MAMDC2: variants seen among roughly 807,000 people sequenced by gnomAD.
The protein encoded by MAMDC2 is MAM domain-containing protein 2.
MAMDC2 carries 57 observed loss-of-function variants against 89.8 expected under a neutral mutation model. That is an observed-to-expected ratio of 0.63 (90% CI 0.51 to 0.79). The LOEUF is 0.79. Among genes scored for constraint, MAMDC2 ranks in the 30% least tolerant of loss-of-function variants. MAMDC2 has a pLI of 0.00. For missense variants in MAMDC2, 800 were observed against 820.6 expected (o/e 0.97, Z 0.31); for synonymous variants, 313 against 293.4 (o/e 1.07, Z -0.68).
intron 2 of MAMDC2, chr9:70,082,615 C>A (rs1284207914): frequency 6.6e-6 from 1 of 152,062 alleles, no homozygotes; most frequent in Non-Finnish European, 1.5e-5. Context: ...ATATATATAT[C>A]CTCTACCTTA....
At chr9:70,097,251 G>T (rs567454756) in intron 2 of MAMDC2, among the ~76,000 whole-genome samples, 70 of 152,284 alleles carry the variant, frequency 4.6e-4, no homozygotes, top group African/African-American at 1.7e-3. Context: ...TTCTGTAGTT[G>T]TCGGCCAAGC....
chr9:70,128,437 T>C (rs1306580434), intron 6 of MAMDC2, among the ~76,000 whole-genome samples: 1 of 152,226 alleles, frequency 6.6e-6, no homozygotes, highest in African/African-American at 2.4e-5. Flanking sequence ...GACAAACTTC[T>C]AGGCTTCCCC....
chr9:70,198,177 TATATAC>T (rs1321423027), intron 11 of MAMDC2, among the ~76,000 whole-genome samples: 383 of 27,352 alleles, frequency 0.014, 2 homozygotes, highest in African/African-American at 0.03. Flanking sequence ...TATATATATA[TATATAC>T]ACACACACAC....
intron 9 of MAMDC2, among the ~76,000 whole-genome samples, chr9:70,149,740 T>C (rs996856824): frequency 2.0e-5 from 3 of 152,170 alleles, no homozygotes; most frequent in African/African-American, 7.2e-5. Flanking sequence ...TTTTATAAAG[T>C]GCACCAGGGT....
At chr9:70,112,333 TTC>T (rs1185588856) in intron 4 of MAMDC2, among the ~76,000 whole-genome samples, 2 of 152,180 alleles carry the variant, frequency 1.3e-5, no homozygotes, top group Non-Finnish European at 2.9e-5. Flanking sequence ...TCTGATTATC[TTC>T]TCTCTCTTCT....
chr9:70,130,910 G>A (rs1587499114), intron 6 of MAMDC2, among the ~76,000 whole-genome samples: 1 of 152,198 alleles, frequency 6.6e-6, no homozygotes, highest in Admixed American at 6.5e-5. Context: ...AGGCACTTCA[G>A]CTGACATTCA....
intron 5 of MAMDC2, among the ~76,000 whole-genome samples, chr9:70,113,417 A>G (rs1399456827): frequency 2.0e-5 from 3 of 152,116 alleles, no homozygotes; most frequent in African/African-American, 7.2e-5. Flanking sequence ...ATATTTCCAT[A>G]TTATGCTTTA....
intron 2 of MAMDC2, 22 bp from the exon 3 acceptor site, chr9:70,108,189 C>T (rs1828391766): frequency 6.5e-7 from 1 of 1,528,124 alleles, no homozygotes; most frequent in Non-Finnish European, 8.8e-7. Context: ...GATCCTTTTC[C>T]TATGTTCCTT....
intron 9 of MAMDC2, among the ~76,000 whole-genome samples, chr9:70,144,257 A>C (rs2031322752): frequency 6.6e-6 from 1 of 152,210 alleles, no homozygotes; most frequent in South Asian, 2.1e-4. Context: ...TGAGGCTTTA[A>C]GGTTAACAAC....
intron 2 of MAMDC2, among the ~76,000 whole-genome samples, chr9:70,106,544 C>A (rs531430416): frequency 1.3e-5 from 2 of 152,244 alleles, no homozygotes; most frequent in South Asian, 4.1e-4. Flanking sequence ...CTCAAGAGCC[C>A]CAGCTTAGAA....
chr9:70,222,018 G>C (rs1182451365), intron 12 of MAMDC2, among the ~76,000 whole-genome samples: 2 of 152,128 alleles, frequency 1.3e-5, no homozygotes, highest in East Asian at 3.9e-4. Flanking sequence ...AATGGGACAA[G>C]GAGACTTTGG....
At chr9:70,146,809 C>T (rs2031418757) in intron 9 of MAMDC2, among the ~76,000 whole-genome samples, 1 of 151,700 alleles carries the variant, frequency 6.6e-6, no homozygotes, top group South Asian at 2.1e-4. Flanking sequence ...GTGGCACGTG[C>T]CTGTAATCCC....
rs967597463 is a variant in MAMDC2 at position 70,170,554 on chromosome 9, G to A, written c.1574G>A (p.Arg525Gln). 20 of 1,612,946 alleles carry A rather than the reference G, an allele frequency of 1.2e-5. No individual in the cohort carries two copies. Among genetic ancestry groups the A allele is most frequent in the African/African-American group, 9.3e-5 (7 of 74,874 alleles). ...ECTFTQEKRN[R>Q]SSWHRRRGET... ...ACATTTACTCAGGAGAAAAGAAACC[G>A]GAGCAGCTGGCACAGGAGGAGGGGA... The change falls in exon 11 of 14, where the codon CGG becomes CAG. Residue 525 changes from arginine (R) to glutamine (Q), a missense_variant. Transcript: ENST00000377182.
chr9:70,103,747 C>T (rs1464053025), intron 2 of MAMDC2, among the ~76,000 whole-genome samples: 1 of 151,784 alleles, frequency 6.6e-6, no homozygotes, highest in East Asian at 1.9e-4. Flanking sequence ...TTTGGGAGGC[C>T]GAGGCGGGCA....
chr9:70,126,172 C>T lies in MAMDC2; in HGVS notation c.657C>T (p.Tyr219=), dbSNP rs369995752. ...TGTGATTTTCAGGCCACTACATGTA[C>T]GTGGACTCAGTTTATGTGAAGCACT... ...TFKSELGHYM[Y]VDSVYVKHFQ... The change falls in exon 6 of 14, where the codon TAC becomes TAT. Residue 219 remains tyrosine, a synonymous_variant. Coordinates refer to ENST00000377182, the MANE Select transcript of MAMDC2 (RefSeq NM_153267.5). The T allele has an allele frequency of 2.2e-5, 35 of 1,603,636 alleles. No individual in the cohort carries two copies. The highest frequency in any genetic ancestry group is 2.6e-5 in the Non-Finnish European group (31 of 1,173,812).
intron 9 of MAMDC2, among the ~76,000 whole-genome samples, chr9:70,155,374 A>T (rs901531802): frequency 6.6e-6 from 1 of 152,138 alleles, no homozygotes; most frequent in Non-Finnish European, 1.5e-5. Flanking sequence ...TTCCTCTCTG[A>T]ATCTTCACCT....
intron 8 of MAMDC2, 36 bp downstream of exon 8, chr9:70,140,324 G>A: frequency 3.9e-6 from 6 of 1,543,940 alleles, no homozygotes; most frequent in Non-Finnish European, 5.2e-6. Context: ...GGACATCTTG[G>A]GTAGTCGTGA....
intron 11 of MAMDC2, among the ~76,000 whole-genome samples, chr9:70,212,953 T>TA (rs1587577148): frequency 6.6e-6 from 1 of 152,144 alleles, no homozygotes. Context: ...CTGATTTAGT[T>TA]AGAGTCCAAA....
intron 7 of MAMDC2, 53 bp downstream of exon 7, chr9:70,131,665 T>G: frequency 7.6e-7 from 1 of 1,318,164 alleles, no homozygotes; most frequent in Non-Finnish European, 1.1e-6. Context: ...TTTCAATAGA[T>G]GTTTGTGGTC....
Sources: gnomAD v4.1 joint callset for allele counts (sites outside exome capture counted in the v4.1 genomes callset) on GRCh38, gnomAD v4.1.1 for gene constraint, MANE v1.5 for transcripts, NCBI Gene and HGNC (gene_info 2026-07-23, HGNC 2026-07-21) for gene names.